The following SNX30 variants were observed in gnomAD, a reference collection of about 807,000 sequenced individuals.
The protein encoded by SNX30 is sorting nexin family member 30.
SNX30 carries 24 observed loss-of-function variants against 46.4 expected under a neutral mutation model. That is an observed-to-expected ratio of 0.52 (90% CI 0.37 to 0.73). SNX30 has a LOEUF of 0.73. SNX30 is among the 30% of genes least tolerant of loss of function. The probability of loss-of-function intolerance (pLI) is 0.00; values close to 1 mark genes in which losing one functional copy is unlikely to be tolerated. For synonymous variants in SNX30, 189 were observed against 211.5 expected (o/e 0.89, Z 0.92); for missense variants, 533 against 555.7 (o/e 0.96, Z 0.41).
downstream of SNX30, among the ~76,000 whole-genome samples, chr9:112,884,966 T>C (rs1400236976): frequency 2.0e-5 from 3 of 152,154 alleles, no homozygotes; most frequent in Non-Finnish European, 4.4e-5. Flanking sequence ...CACTGCATGG[T>C]AGCTAAAATC....
At chr9:112,772,068 G>A (rs1426126727) in intron 1 of SNX30, among the ~76,000 whole-genome samples, 1 of 152,156 alleles carries the variant, frequency 6.6e-6, no homozygotes, top group Admixed American at 6.5e-5. Context: ...ATCCTTCCTG[G>A]CAGAGGACTT....
At chr9:112,796,307 T>C (rs894646804) in intron 1 of SNX30, among the ~76,000 whole-genome samples, 2 of 152,378 alleles carry the variant, frequency 1.3e-5, no homozygotes, top group African/African-American at 2.4e-5. Flanking sequence ...ATGCCTAGCA[T>C]GGCATCCTGC....
intron 1 of SNX30, among the ~76,000 whole-genome samples, chr9:112,762,508 TG>T (rs1375920235): frequency 6.6e-6 from 1 of 150,824 alleles, no homozygotes; most frequent in Non-Finnish European, 1.5e-5. Context: ...ATGTGAAAAA[TG>T]CTGCATGTAT....
Position 112,808,379 on chromosome 9 carries a change from A to G in SNX30, c.348+3412A>G, listed in dbSNP as rs543938730. Among the ~76,000 whole-genome samples, 25 of 152,354 alleles carry G rather than the reference A, an allele frequency of 1.6e-4. No homozygotes were observed. The South Asian group carries it at 1.7e-3, about 10-fold the overall frequency. On this transcript the variant is annotated intron_variant, in intron 2 of 8. Transcript: ENST00000374232. ...TAAAATAAGTGAAGGCTGACAGCCAATGTAGGCAAAGAATTATCCACCCAA... is the reference window on the plus strand; with the variant it reads ...TAAAATAAGTGAAGGCTGACAGCCAGTGTAGGCAAAGAATTATCCACCCAA...
In SNX30 at chr9:112,785,012, G is replaced by A. The variant is rs75936157; in HGVS notation, c.157-19764G>A. 1.8e-4 allele frequency among the ~76,000 whole-genome samples: 27 copies of A among 152,278 alleles called. No homozygotes were observed. The East Asian group carries it at 5.2e-3, about 29-fold the overall frequency. ...TTTTGCTTTCCATATCTTCTAATAC[G>A]TGGTTTGGGGGAGTATAGCACCATG... On this transcript the variant is annotated intron_variant, in intron 1 of 8. Transcript: ENST00000374232.
chr9:112,753,744 C>T (rs1449153586), intron 1 of SNX30, among the ~76,000 whole-genome samples: 1 of 152,202 alleles, frequency 6.6e-6, no homozygotes, highest in Non-Finnish European at 1.5e-5. Flanking sequence ...TGACACCATT[C>T]TCAAGGGCCT....
intron 1 of SNX30, among the ~76,000 whole-genome samples, chr9:112,773,985 G>C (rs999136128): frequency 2.6e-5 from 4 of 152,202 alleles, no homozygotes; most frequent in Non-Finnish European, 5.9e-5. Context: ...TATGTGACCT[G>C]TTTGTCTTCA....
chr9:112,885,484 G>A (rs898593160), downstream of SNX30: 4 of 151,482 alleles, frequency 2.6e-5, no homozygotes, highest in African/African-American at 9.7e-5. Flanking sequence ...AGCAGTGGTA[G>A]GAGCATGAGA....
intron 5 of SNX30, 61 bp from the exon 6 acceptor site, chr9:112,838,437 G>C: frequency 1.4e-6 from 2 of 1,413,966 alleles, no homozygotes; most frequent in Non-Finnish European, 2.0e-6. Context: ...TGATTACTGA[G>C]TCAGTAATAG....
intron 1 of SNX30, among the ~76,000 whole-genome samples, chr9:112,795,745 C>T (rs1588119151): frequency 7.3e-6 from 1 of 137,388 alleles, no homozygotes; most frequent in East Asian, 2.2e-4. Flanking sequence ...GATAATCACA[C>T]ACACACACTC....
chr9:112,848,261 C>T (rs541856430), intron 6 of SNX30, among the ~76,000 whole-genome samples: 1 of 152,022 alleles, frequency 6.6e-6, no homozygotes, highest in Non-Finnish European at 1.5e-5. Context: ...GGCCTCTTTA[C>T]CCCACTGCCG....
At position 112,830,708 on chromosome 9, in the gene SNX30, T is replaced by C. The variant is rs772351386; in HGVS notation, c.460-17T>C. 62 of 1,598,004 alleles carry C rather than the reference T, an allele frequency of 3.9e-5. No homozygotes were observed. The highest frequency in any genetic ancestry group is 5.1e-5 in the Non-Finnish European group (60 of 1,175,200). ...ATCTCATCAATTACTCTGGTTTTTT[T>C]CTTCATGTCTTCATAGCCTCTTCCC... On this transcript the variant is annotated splice_polypyrimidine_tract_variant and intron_variant, in intron 3 of 8. Transcript: ENST00000374232.
At chr9:112,797,543 A>G (rs1028127437) in intron 1 of SNX30, among the ~76,000 whole-genome samples, 1 of 152,106 alleles carries the variant, frequency 6.6e-6, no homozygotes, top group Non-Finnish European at 1.5e-5. Flanking sequence ...TTGTAAAATC[A>G]TACTTCCATT....
chr9:112,766,046 C>G (rs1368100137), intron 1 of SNX30, among the ~76,000 whole-genome samples: 2 of 152,194 alleles, frequency 1.3e-5, no homozygotes, highest in Admixed American at 6.5e-5. Context: ...TCGTAATCCA[C>G]CTGCCTCGGC....
At chr9:112,813,548 A>C (rs902143372) in intron 2 of SNX30, among the ~76,000 whole-genome samples, 3 of 147,840 alleles carry the variant, frequency 2.0e-5, no homozygotes, top group African/African-American at 7.5e-5. Flanking sequence ...GGCTCAGTGT[A>C]ACCTCTGCCT....
intron 1 of SNX30, among the ~76,000 whole-genome samples, chr9:112,765,048 C>G (rs2131356073): frequency 6.6e-6 from 1 of 152,298 alleles, no homozygotes; most frequent in Non-Finnish European, 1.5e-5. Context: ...TGAGCTCAAC[C>G]TGGGCCAATC....
intron 1 of SNX30, among the ~76,000 whole-genome samples, chr9:112,778,810 G>A (rs539237645): frequency 2.7e-4 from 41 of 152,030 alleles, no homozygotes; most frequent in African/African-American, 8.0e-4. Context: ...CAGTGCCAGA[G>A]GCAGGTGGAT....
chr9:112,860,850 A>G lies in SNX30; in HGVS notation c.1102-3397A>G, dbSNP rs541940192. ...ATAGATTATCTTTTGTGAACAGCAA[A>G]TTATAATATTGATACTGATATGAGC... On this transcript the variant is annotated intron_variant, in intron 7 of 8. Transcript: ENST00000374232. 3.3e-5 allele frequency among the ~76,000 whole-genome samples: 5 copies of G among 152,346 alleles called. No homozygotes were observed. The South Asian group carries it at 1.0e-3, about 32-fold the overall frequency.
At chr9:112,765,766 C>G (rs1366252394) in intron 1 of SNX30, among the ~76,000 whole-genome samples, 1 of 152,194 alleles carries the variant, frequency 6.6e-6, no homozygotes, top group Non-Finnish European at 1.5e-5. Context: ...CATCACCTCA[C>G]ATAATTGCCT....
Sources: allele counts gnomAD v4.1 joint callset (sites outside exome capture counted in the v4.1 genomes callset), GRCh38; gene constraint gnomAD v4.1.1; transcripts MANE v1.5; gene names NCBI Gene and HGNC (gene_info 2026-07-23, HGNC 2026-07-21).